The following CMTM8 variants were observed in gnomAD, a reference collection of about 807,000 sequenced individuals.
The protein encoded by CMTM8 is CKLF-like MARVEL transmembrane domain-containing protein 8.
Under a neutral mutation model 18.6 loss-of-function variants are expected in CMTM8, and 12 were observed. That is an observed-to-expected ratio of 0.65 (90% CI 0.41 to 1.05). CMTM8 has a LOEUF of 1.05. Ranked by LOEUF, CMTM8 falls within the 50% of genes least tolerant of loss-of-function variation. The pLI, the probability that CMTM8 is intolerant of heterozygous loss-of-function variation, is 0.00. For missense variants in CMTM8, 217 were observed against 227.2 expected (o/e 0.95, Z 0.29); for synonymous variants, 87 against 90.6 (o/e 0.96, Z 0.23).
chr3:32,357,345 T>G (rs768337797), intron 1 of CMTM8, 28 bp from the exon 2 acceptor site: 92 of 1,591,976 alleles, frequency 5.8e-5, no homozygotes, highest in Admixed American at 5.4e-4. Flanking sequence ...TGTCCCCTCC[T>G]CTCTCCACTG....
chr3:32,351,723 AT>A (rs1046014215), intron 1 of CMTM8, among the ~76,000 whole-genome samples: 1 of 151,876 alleles, frequency 6.6e-6, no homozygotes, highest in African/African-American at 2.4e-5. Context: ...AAAAAAAAAA[AT>A]ATGTAAAAAC....
chr3:32,332,718 T>C (rs72855623), intron 1 of CMTM8, among the ~76,000 whole-genome samples: 6,590 of 152,216 alleles, frequency 0.043, 466 homozygotes, highest in African/African-American at 0.15. Context: ...GGGGGCCTCC[T>C]GTAAGAGGAG....
intron 1 of CMTM8, among the ~76,000 whole-genome samples, chr3:32,281,198 C>CT (rs1702603990): frequency 6.6e-6 from 1 of 152,212 alleles, no homozygotes; most frequent in African/African-American, 2.4e-5. Context: ...GCTGTAAGCT[C>CT]TGTTTTCCCT....
In CMTM8 at chr3:32,241,586, C is replaced by T. The variant is rs80249740; in HGVS notation, c.147+2467C>T. On this transcript the variant is annotated intron_variant, in intron 1 of 3. Transcript: ENST00000307526. ...TAGGCTAACCTAAGTGTTCTGAGCACGTTTAAGATAGGCTAGGCTTAGCTA... is the reference window on the plus strand; with the variant it reads ...TAGGCTAACCTAAGTGTTCTGAGCATGTTTAAGATAGGCTAGGCTTAGCTA... Among the ~76,000 whole-genome samples, 568 of 152,266 alleles carry T rather than the reference C, an allele frequency of 3.7e-3. 1 individual carries two copies. Among genetic ancestry groups the T allele is most frequent in the African/African-American group, 0.013 (525 of 41,552 alleles).
chr3:32,238,842 C>G lies in CMTM8; in HGVS notation c.-131C>G, dbSNP rs867641254. Reference sequence around the variant, plus strand: ...TGGACAGCCCCCGGCGGGCGCCCCCCTCGCACCTCCTGCCCCGCGCGGGCC... The same window carrying G: ...TGGACAGCCCCCGGCGGGCGCCCCCGTCGCACCTCCTGCCCCGCGCGGGCC... On this transcript the variant is annotated 5_prime_UTR_variant, in exon 1 of 4. Transcript: ENST00000307526. The G allele has an allele frequency of 4.9e-5, 37 of 754,888 alleles. No individual in the cohort carries two copies. The highest frequency in any genetic ancestry group is 9.1e-5 in the Admixed American group (2 of 21,932). The allele number at this position is 754,888 out of a possible 1,614,324, so 46.8% of individuals were successfully genotyped here.
At chr3:32,264,836 A>G (rs1365447999) in intron 1 of CMTM8, among the ~76,000 whole-genome samples, 1 of 152,188 alleles carries the variant, frequency 6.6e-6, no homozygotes, top group Non-Finnish European at 1.5e-5. Flanking sequence ...TAAACCAACA[A>G]AGATCAAAAG....
chr3:32,270,114 G>C lies in CMTM8; in HGVS notation c.147+30995G>C, dbSNP rs547180575. ...AAAAATTTTTTTGTGTGGAGATAGG[G>C]TCTCACTGTGTTGCCCAGGCTGGTC... is the stretch of plus-strand genomic sequence containing the variant. On this transcript the variant is annotated intron_variant, in intron 1 of 3. Transcript: ENST00000307526. Among the ~76,000 whole-genome samples the C allele has an allele frequency of 7.3e-5, 11 of 150,950 alleles. No individual in the cohort carries two copies. The East Asian group carries it at 2.0e-3, about 27-fold the overall frequency.
rs562696095 is a variant in CMTM8 at position 32,333,972 on chromosome 3, T to A, written c.148-23401T>A. 8.6e-5 allele frequency among the ~76,000 whole-genome samples: 13 copies of A among 151,986 alleles called. No individual in the cohort carries two copies. In the South Asian group the frequency reaches 2.5e-3, roughly 29 times the overall value. On this transcript the variant is annotated intron_variant, in intron 1 of 3. Transcript: ENST00000307526. The stretch of plus-strand genomic sequence containing the variant: ...GGAACTCTGCATGTTCCAATCAATT[T>A]TTCTTTTCTTTTTTTTTTTCTTCAA...
chr3:32,327,153 A>G (rs1049421747), intron 1 of CMTM8, among the ~76,000 whole-genome samples: 2 of 152,124 alleles, frequency 1.3e-5, no homozygotes, highest in African/African-American at 4.8e-5. Context: ...AAGGTGCTGT[A>G]AACAGGTATA....
intron 1 of CMTM8, among the ~76,000 whole-genome samples, chr3:32,239,966 G>A (rs1461354876): frequency 1.3e-5 from 2 of 152,232 alleles, no homozygotes; most frequent in Non-Finnish European, 2.9e-5. Context: ...GGTGAAGCAT[G>A]GATTCAAACC....
chr3:32,320,580 A>G (rs558338907), intron 1 of CMTM8, among the ~76,000 whole-genome samples: 50 of 152,328 alleles, frequency 3.3e-4, no homozygotes, highest in African/African-American at 1.1e-3. Flanking sequence ...ATACACTAAA[A>G]TCTATTGTGT....
intron 1 of CMTM8, among the ~76,000 whole-genome samples, chr3:32,273,815 CT>C (rs1702477260): frequency 6.6e-6 from 1 of 152,042 alleles, no homozygotes; most frequent in African/African-American, 2.4e-5. Context: ...GAATTCTACA[CT>C]TTAAACGGTG....
chr3:32,359,500 G>T (rs1455731933), intron 2 of CMTM8, among the ~76,000 whole-genome samples: 1 of 152,150 alleles, frequency 6.6e-6, no homozygotes, highest in African/African-American at 2.4e-5. Flanking sequence ...TGAGGCAGGA[G>T]AATCGCTCGA....
At chr3:32,273,413 A>G (rs950919963) in intron 1 of CMTM8, among the ~76,000 whole-genome samples, 4 of 152,210 alleles carry the variant, frequency 2.6e-5, no homozygotes, top group Non-Finnish European at 5.9e-5. Context: ...CATTATTCAT[A>G]ATAGGCAAAA....
chr3:32,330,197 ATTTTT>A (rs57467295), intron 1 of CMTM8, among the ~76,000 whole-genome samples: 11 of 125,146 alleles, frequency 8.8e-5, no homozygotes, highest in East Asian at 2.3e-4. Context: ...TCCCAGTGGC[ATTTTT>A]TTTTTTTTTT....
At chr3:32,292,478 C>T (rs1337203912) in intron 1 of CMTM8, among the ~76,000 whole-genome samples, 5 of 152,148 alleles carry the variant, frequency 3.3e-5, no homozygotes, top group African/African-American at 7.2e-5. Flanking sequence ...GCATAGACTG[C>T]GTAATCCATC....
At chr3:32,296,832 G>T (rs1203030544) in intron 1 of CMTM8, among the ~76,000 whole-genome samples, 4 of 152,134 alleles carry the variant, frequency 2.6e-5, no homozygotes, top group African/African-American at 9.7e-5. Context: ...AAACCACAAA[G>T]GGAAAAACCA....
At chr3:32,313,315 T>G (rs4306894) in intron 1 of CMTM8, among the ~76,000 whole-genome samples, 133,669 of 152,118 alleles carry the variant, frequency 0.88, 58,850 homozygotes, top group East Asian at 0.97. Flanking sequence ...GCCTTGGAAA[T>G]TTCATGCTAT....
intron 2 of CMTM8, among the ~76,000 whole-genome samples, chr3:32,365,598 C>T (rs1457083838): frequency 6.6e-6 from 1 of 152,026 alleles, no homozygotes; most frequent in African/African-American, 2.4e-5. Flanking sequence ...GGGCCCATCG[C>T]CACATTTGCC....
Sources: allele counts gnomAD v4.1 joint callset (sites outside exome capture counted in the v4.1 genomes callset), GRCh38; gene constraint gnomAD v4.1.1; transcripts MANE v1.5; gene names NCBI Gene and HGNC (gene_info 2026-07-23, HGNC 2026-07-21).